Variants in TGFBI observed in about 807,000 individuals in gnomAD.
TGFBI encodes the protein transforming growth factor-beta-induced protein ig-h3.
A neutral mutation model predicts 73.7 loss-of-function variants in TGFBI; 50 were observed. The observed-to-expected ratio is 0.68, with a 90% CI of 0.54 to 0.86. TGFBI has a LOEUF of 0.86. Among genes scored for constraint, TGFBI ranks in the 40% least tolerant of loss-of-function variants. The pLI, the probability that TGFBI is intolerant of heterozygous loss-of-function variation, is 0.00. For missense variants in TGFBI, 839 were observed against 877.0 expected, an observed-to-expected ratio of 0.96 and a Z score of 0.55; for synonymous variants, 362 against 360.5, an observed-to-expected ratio of 1.00 and a Z score of -0.05.
At position 136,049,488 on chromosome 5, in the gene TGFBI, A is replaced by T; in HGVS notation, c.821A>T (p.Gln274Leu). ...AACACGATGCTTGAAGGTAACGGCCAGTACACGCTTTTGGCCCCGACCAAT... is the reference window on the plus strand; with the variant it reads ...AACACGATGCTTGAAGGTAACGGCCTGTACACGCTTTTGGCCCCGACCAAT... ...GLNTMLEGNG[Q>L]YTLLAPTNEA... is the part of the protein sequence containing the mutation. Residue 274 changes from glutamine (Q) to leucine (L), a missense_variant, in exon 7 of 17, where the codon CAG becomes CTG. By Grantham distance (113) the Gln-to-Leu change is moderately radical. Coordinates refer to ENST00000442011, the MANE Select transcript of TGFBI (RefSeq NM_000358.3). The T allele has an allele frequency of 6.2e-7, 1 of 1,614,030 alleles. No individual in the cohort carries two copies. Among genetic ancestry groups the T allele is most frequent in the Middle Eastern group, 1.6e-4 (1 of 6,062 alleles).
chr5:136,046,879 T>C lies in TGFBI; in HGVS notation c.488T>C (p.Val163Ala), dbSNP rs1751439185. The C allele has an allele frequency of 1.2e-6, 2 of 1,613,682 alleles. No individual in the cohort carries two copies. The highest frequency in any genetic ancestry group is 1.7e-6 in the Non-Finnish European group (2 of 1,179,818). The change falls in exon 5 of 17, where the codon GTC becomes GCC. Residue 163 changes from valine to alanine, a missense_variant. Transcript: ENST00000442011. ...AEVLDSLVSN[V>A]NIELLNALRY... ...GTGCTGGACTCCCTGGTCAGCAATGTCAACATTGAGCTGCTCAATGCCCTC... is the reference window on the plus strand; with the variant it reads ...GTGCTGGACTCCCTGGTCAGCAATGCCAACATTGAGCTGCTCAATGCCCTC...
At chr5:136,061,110 AC>A in intron 14 of TGFBI, 174 bp downstream of exon 14, 1 of 603,248 alleles carries the variant, frequency 1.7e-6, no homozygotes, top group Non-Finnish European at 2.9e-6. Context: ...TTTTGAATGC[AC>A]CACACTAAGG....
intron 7 of TGFBI, among the ~76,000 whole-genome samples, chr5:136,051,130 T>A (rs1561611845): frequency 6.6e-6 from 1 of 152,158 alleles, no homozygotes; most frequent in Non-Finnish European, 1.5e-5. Flanking sequence ...CATTCTTTGC[T>A]TTGGAGACCT....
intron 12 of TGFBI, chr5:136,058,850 C>T (rs1270210390): frequency 1.4e-5 from 6 of 423,130 alleles, no homozygotes; most frequent in Non-Finnish European, 2.1e-5. Context: ...AACCCAGAGG[C>T]CAACTGACTG....
chr5:136,029,458 G>C (rs913893059), intron 1 of TGFBI, among the ~76,000 whole-genome samples: 8 of 152,204 alleles, frequency 5.3e-5, no homozygotes, highest in Admixed American at 5.2e-4. Flanking sequence ...CAGGCCAAGA[G>C]CCTGAGACGG....
chr5:136,031,389 C>A (rs755923789), intron 1 of TGFBI, among the ~76,000 whole-genome samples: 1 of 152,244 alleles, frequency 6.6e-6, no homozygotes, highest in Non-Finnish European at 1.5e-5. Context: ...TTGTAGCGTG[C>A]TGCCTGATAT....
chr5:136,060,527 G>A (rs777280126), intron 13 of TGFBI, among the ~76,000 whole-genome samples: 10 of 152,128 alleles, frequency 6.6e-5, no homozygotes, highest in African/African-American at 1.2e-4. Flanking sequence ...CCTGGCCAAC[G>A]TGGTGAAACC....
chr5:136,034,157 T>A (rs1272097135), intron 2 of TGFBI, among the ~76,000 whole-genome samples: 1 of 151,968 alleles, frequency 6.6e-6, no homozygotes, highest in Admixed American at 6.6e-5. Context: ...TCAATCCTCA[T>A]AAAATAATAC....
At chr5:136,031,613 A>C (rs1751122226) in intron 1 of TGFBI, among the ~76,000 whole-genome samples, 1 of 152,208 alleles carries the variant, frequency 6.6e-6, no homozygotes, top group African/African-American at 2.4e-5. Flanking sequence ...ACTCCCAGCT[A>C]TATCTGTGTT....
Position 136,029,105 on chromosome 5 carries a change from G to T in TGFBI, c.50G>T (p.Gly17Val), listed in dbSNP as rs770699457. ...LLALALALAL[G>V]PAATLAGPAK... ...GCTCTCGCCCTGGCTCTGGCCCTGG[G>T]CCCCGCCGCGACCCTGGCGGGTCCC... The change falls in exon 1 of 17, where the codon GGC becomes GTC. Residue 17 changes from glycine to valine, a missense_variant. Coordinates refer to ENST00000442011, the MANE Select transcript of TGFBI (RefSeq NM_000358.3). The T allele has an allele frequency of 2.0e-6, 3 of 1,525,908 alleles. No individual in the cohort carries two copies. Among genetic ancestry groups the T allele is most frequent in the South Asian group, 2.4e-5 (2 of 83,066 alleles). 94.5% of individuals were successfully genotyped at this position (1,525,908 alleles called of 1,614,324 possible). A position where few individuals can be genotyped will look rare whatever the true frequency, so the allele number is the denominator to read the frequency against.
At chr5:136,032,741 A>G (rs553288579) in intron 1 of TGFBI, among the ~76,000 whole-genome samples, 1 of 152,150 alleles carries the variant, frequency 6.6e-6, no homozygotes, top group African/African-American at 2.4e-5. Flanking sequence ...CTCCTGACTG[A>G]CCACGCCTCT....
At chr5:136,051,610 C>T (rs1751537873) in intron 7 of TGFBI, among the ~76,000 whole-genome samples, 1 of 152,208 alleles carries the variant, frequency 6.6e-6, no homozygotes, top group Non-Finnish European at 1.5e-5. Context: ...GGAAGAGGTC[C>T]TTGCCCCACA....
intron 2 of TGFBI, among the ~76,000 whole-genome samples, chr5:136,037,319 G>A (rs188446352): frequency 6.6e-6 from 1 of 152,304 alleles, no homozygotes; most frequent in East Asian, 1.9e-4. Context: ...AACAAAGAGG[G>A]CTGTGGGGAG....
At chr5:136,056,431 C>T (rs1310732977) in intron 11 of TGFBI, 19 of 511,494 alleles carry the variant, frequency 3.7e-5, no homozygotes, top group Non-Finnish European at 6.3e-5. Flanking sequence ...TGGCCTCTGA[C>T]GTCTGGCCAT....
chr5:136,046,209 G>T (rs1042764310), intron 3 of TGFBI, 126 bp from the exon 4 acceptor site: 1 of 1,157,664 alleles, frequency 8.6e-7, no homozygotes. Context: ...CCTGTCTTTG[G>T]GCTTTCCCAC....
rs1751054779 is a variant in TGFBI at position 136,029,016 on chromosome 5, C to G, written c.-40C>G. 2.8e-5 allele frequency: 43 copies of G among 1,510,726 alleles called. 1 individual carries two copies. In the East Asian group the frequency reaches 5.3e-4, roughly 19 times the overall value. 93.6% of individuals were successfully genotyped at this position (1,510,726 alleles called of 1,614,324 possible). On this transcript the variant is annotated 5_prime_UTR_variant, in exon 1 of 17. Transcript: ENST00000442011. ...ACTTCCCTGGAGCCGCCCGCTTGCCCGTCGGTCGCTAGCTCGCTCGGTGCG... is the reference window on the plus strand; with the variant it reads ...ACTTCCCTGGAGCCGCCCGCTTGCCGGTCGGTCGCTAGCTCGCTCGGTGCG...
At chr5:136,037,728 T>G (rs1443875948) in intron 2 of TGFBI, among the ~76,000 whole-genome samples, 1 of 152,196 alleles carries the variant, frequency 6.6e-6, no homozygotes, top group Admixed American at 6.5e-5. Context: ...TAGTAGCAAG[T>G]GTTCCTTTGC....
rs1477182517 is a variant in TGFBI at position 136,049,507 on chromosome 5, G to A, written c.840G>A (p.Pro280=). The A allele has an allele frequency of 1.1e-5, 17 of 1,613,830 alleles. No individual in the cohort carries two copies. Among genetic ancestry groups the A allele is most frequent in the East Asian group, 2.2e-5 (1 of 44,894 alleles). The change falls in exon 7 of 17, where the codon CCG becomes CCA. Residue 280 remains proline (P), a synonymous_variant. Transcript: ENST00000442011. ...ACGGCCAGTACACGCTTTTGGCCCC[G>A]ACCAATGAGGCCTTCGAGAAGATCC... The part of the protein sequence containing the change: ...EGNGQYTLLA[P]TNEAFEKIPS...
rs764932921 is a variant in TGFBI at position 136,049,555 on chromosome 5, C to G, written c.888C>G (p.Ile296Met). ...TCCCTAGTGAGACTTTGAACCGTAT[C>G]CTGGGCGACCCAGAAGCCCTGAGAG... ...EKIPSETLNR[I>M]LGDPEALRDL... Residue 296 changes from isoleucine to methionine, a missense_variant, in exon 7 of 17, where the codon ATC (isoleucine) becomes ATG (methionine). Coordinates refer to ENST00000442011, the MANE Select transcript of TGFBI (RefSeq NM_000358.3). 1 of 1,613,796 alleles carries G rather than the reference C, an allele frequency of 6.2e-7. No homozygotes were observed. Among genetic ancestry groups the G allele is most frequent in the Non-Finnish European group, 8.5e-7 (1 of 1,179,818 alleles).
Sources: gnomAD v4.1 joint callset for allele counts (sites outside exome capture counted in the v4.1 genomes callset) on GRCh38, gnomAD v4.1.1 for gene constraint, MANE v1.5 for transcripts, NCBI Gene and HGNC (gene_info 2026-07-23, HGNC 2026-07-21) for gene names.